SRPK1: variants seen among roughly 807,000 people sequenced by gnomAD.
SRPK1 encodes the protein SRSF protein kinase 1.
Under a neutral mutation model 89.5 loss-of-function variants are expected in SRPK1, and 52 were observed. The observed-to-expected ratio is 0.58, with a 90% confidence interval of 0.46 to 0.73. SRPK1 has a LOEUF of 0.73. SRPK1 is among the 30% of genes least tolerant of loss of function. The pLI is 0.00. For missense variants in SRPK1, 603 were observed against 780.6 expected, an observed-to-expected ratio of 0.77 and a Z score of 2.71; for synonymous variants, 255 against 270.2, an observed-to-expected ratio of 0.94 and a Z score of 0.55.
At chr6:35,906,022 T>C (rs1479625714) in intron 2 of SRPK1, among the ~76,000 whole-genome samples, 1 of 152,142 alleles carries the variant, frequency 6.6e-6, no homozygotes, top group East Asian at 1.9e-4. Context: ...AAAAGGCTTC[T>C]TGGAGAGACA....
intron 6 of SRPK1, among the ~76,000 whole-genome samples, chr6:35,879,183 G>A (rs1302906715): frequency 6.6e-6 from 1 of 152,176 alleles, no homozygotes; most frequent in African/African-American, 2.4e-5. Flanking sequence ...TGCAGACTGA[G>A]CAAAGACCTT....
chr6:35,920,505 T>G lies in SRPK1; in HGVS notation c.37A>C (p.Lys13Gln). 2 of 1,613,294 alleles carry G rather than the reference T, an allele frequency of 1.2e-6. No homozygotes were observed. Among genetic ancestry groups the G allele is most frequent in the Non-Finnish European group, 1.7e-6 (2 of 1,179,450 alleles). The change falls in exon 2 of 16, where the codon AAA (lysine) becomes CAA (glutamine). Residue 13 changes from lysine (K) to glutamine (Q), a missense_variant. Lys to Gln is a moderately conservative substitution (Grantham distance 53). Transcript: ENST00000373825. ...TTGTCCTTCTTGGCCTTGGTCCTTT[T>G]CTTTCGGGCCTGGAGCGCAAGCACT... ...RKVLALQARK[K>Q]RTKAKKDKAQ...
At chr6:35,881,292 A>T (rs1387727672) in intron 6 of SRPK1, among the ~76,000 whole-genome samples, 1 of 152,190 alleles carries the variant, frequency 6.6e-6, no homozygotes, top group East Asian at 1.9e-4. Context: ...TACTTGAGCA[A>T]TTATAAAAGC....
At chr6:35,913,443 G>A (rs748191863) in intron 2 of SRPK1, among the ~76,000 whole-genome samples, 2 of 151,180 alleles carry the variant, frequency 1.3e-5, no homozygotes, top group African/African-American at 2.4e-5. Context: ...GCAGTGAGCC[G>A]AGATCGCGCC....
intron 2 of SRPK1, among the ~76,000 whole-genome samples, chr6:35,912,148 C>T (rs963325644): frequency 6.6e-6 from 1 of 151,412 alleles, no homozygotes; most frequent in Non-Finnish European, 1.5e-5. Context: ...AGCTTGAGGG[C>T]AACATAATGA....
intron 8 of SRPK1, 144 bp from the exon 9 acceptor site, chr6:35,871,103 AAGT>A (rs1445942590): frequency 2.1e-6 from 1 of 470,348 alleles, no homozygotes; most frequent in Non-Finnish European, 3.7e-6. Context: ...TAAATGACTT[AAGT>A]AGAAGCTATA....
intron 12 of SRPK1, among the ~76,000 whole-genome samples, chr6:35,862,601 G>C (rs1179009510): frequency 6.6e-6 from 1 of 152,140 alleles, no homozygotes; most frequent in Non-Finnish European, 1.5e-5. Flanking sequence ...GAAGGACACA[G>C]AAAACATAAA....
Position 35,921,062 on chromosome 6 carries a change from G to A in SRPK1, c.-6C>T, listed in dbSNP as rs754457771. ...CGCTCACCTTTCCGCTCCATGGTGA[G>A]ACCGGTAATCGCCAGGCGCCTGCGC... is the stretch of plus-strand genomic sequence containing the variant. On this transcript the variant is annotated 5_prime_UTR_variant, in exon 1 of 16. Transcript: ENST00000373825. 1.3e-6 allele frequency: 2 copies of A among 1,533,366 alleles called. No individual in the cohort carries two copies. Among genetic ancestry groups the A allele is most frequent in the Non-Finnish European group, 1.8e-6 (2 of 1,141,270 alleles). 95.0% of individuals were successfully genotyped at this position (1,533,366 alleles called of 1,614,324 possible). A position where few individuals can be genotyped will look rare whatever the true frequency, so the allele number is the denominator to read the frequency against.
intron 12 of SRPK1, among the ~76,000 whole-genome samples, chr6:35,865,359 C>T (rs977517507): frequency 1.3e-5 from 2 of 151,910 alleles, no homozygotes; most frequent in African/African-American, 4.8e-5. Flanking sequence ...AATTTTAAAA[C>T]AATCACACTA....
Position 35,869,668 on chromosome 6 carries a change from G to C in SRPK1, c.1225C>G (p.Gln409Glu), listed in dbSNP as rs1769988159. ...ATAGGTGTACAAGAGTCTGTTTCTT[G>C]AGATGTGCTGCTGTCTCCATTTTGG... Reference protein sequence around the residue: ...SSQNGDSSTSQETDSCTPITS... With the variant: ...SSQNGDSSTSEETDSCTPITS... The change falls in exon 11 of 16, where the codon CAA (glutamine) becomes GAA (glutamate). Residue 409 changes from glutamine (Q) to glutamate (E), a missense_variant. Coordinates refer to ENST00000373825, the MANE Select transcript of SRPK1 (RefSeq NM_003137.5). The C allele has an allele frequency of 1.9e-6, 3 of 1,613,992 alleles. No individual in the cohort carries two copies. The highest frequency in any genetic ancestry group is 1.3e-5 in the African/African-American group (1 of 75,038).
At chr6:35,849,676 C>A (rs1769511842) in intron 13 of SRPK1, among the ~76,000 whole-genome samples, 1 of 152,068 alleles carries the variant, frequency 6.6e-6, no homozygotes, top group Non-Finnish European at 1.5e-5. Flanking sequence ...GCTCCAAAAT[C>A]CAAAACTGAC....
At chr6:35,905,723 T>C (rs1157281358) in intron 2 of SRPK1, among the ~76,000 whole-genome samples, 1 of 152,200 alleles carries the variant, frequency 6.6e-6, no homozygotes, top group Non-Finnish European at 1.5e-5. Context: ...TCTAAGACTG[T>C]TGTGTATATA....
chr6:35,838,975 G>A (rs1202297104), intron 14 of SRPK1: 1 of 495,892 alleles, frequency 2.0e-6, no homozygotes, highest in Non-Finnish European at 3.2e-6. Context: ...ACCCGATAGT[G>A]TCTGGCAAGT....
chr6:35,891,703 G>A (rs970320006), intron 2 of SRPK1, among the ~76,000 whole-genome samples: 14 of 150,034 alleles, frequency 9.3e-5, no homozygotes, highest in African/African-American at 3.4e-4. Context: ...CTCCAGCCTG[G>A]GCAACAAGAG....
chr6:35,870,262 C>T lies in SRPK1; in HGVS notation c.991+19G>A, dbSNP rs531169890. 47 of 1,600,840 alleles carry T rather than the reference C, an allele frequency of 2.9e-5. No homozygotes were observed. The highest frequency in any genetic ancestry group is 5.1e-5 in the Admixed American group (3 of 58,524). On this transcript the variant is annotated intron_variant, in intron 10 of 15. Coordinates refer to ENST00000373825, the MANE Select transcript of SRPK1 (RefSeq NM_003137.5). ...TTAAAGTGTGTTGTACAGTAATTTTCGTGATGTTCTATTTATACCAAGTTT... is the reference window on the plus strand; with the variant it reads ...TTAAAGTGTGTTGTACAGTAATTTTTGTGATGTTCTATTTATACCAAGTTT...
intron 13 of SRPK1, 91 bp downstream of exon 13, chr6:35,857,170 C>A: frequency 2.2e-6 from 2 of 889,796 alleles, no homozygotes; most frequent in Non-Finnish European, 3.6e-6. Flanking sequence ...ACGTTCTTTT[C>A]TGCTAGTTAA....
chr6:35,837,868 C>CTTT (rs796327113), intron 15 of SRPK1, among the ~76,000 whole-genome samples: 1 of 138,006 alleles, frequency 7.2e-6, no homozygotes. Context: ...CCAGTCTCTG[C>CTTT]TTTTTTTTTT....
At chr6:35,883,610 T>C (rs1406596433) in intron 6 of SRPK1, among the ~76,000 whole-genome samples, 1 of 151,850 alleles carries the variant, frequency 6.6e-6, no homozygotes. Flanking sequence ...ACCAAACATA[T>C]AGTAGCTTAA....
At position 35,915,977 on chromosome 6, in the gene SRPK1, CAA is replaced by C. The variant is rs1220080861; in HGVS notation, c.74+4489_74+4490del. Among the ~76,000 whole-genome samples the C allele has an allele frequency of 5.1e-4, 38 of 74,356 alleles. 2 individuals are homozygous for C. The highest frequency in any genetic ancestry group is 1.9e-3 in the Admixed American group (12 of 6,458). The allele number at this position is 74,356 out of a possible 152,430, so 48.8% of individuals were successfully genotyped here. On this transcript the variant is annotated intron_variant, in intron 2 of 15. Transcript: ENST00000373825. Reference sequence around the variant, plus strand: ...ACAGAACGAGACTCTGTCTCAAAAACAAAAAAAAAAAAAAATATATACACACA... The same window carrying C: ...ACAGAACGAGACTCTGTCTCAAAAACAAAAAAAAAAAAATATATACACACA...
Sources: gnomAD v4.1 joint callset for allele counts (sites outside exome capture counted in the v4.1 genomes callset) on GRCh38, gnomAD v4.1.1 for gene constraint, MANE v1.5 for transcripts, NCBI Gene and HGNC (gene_info 2026-07-23, HGNC 2026-07-21) for gene names.